UST: variants seen among roughly 807,000 people sequenced by gnomAD.
The protein encoded by UST is uronyl 2-sulfotransferase.
Under a neutral mutation model 45.6 loss-of-function variants are expected in UST, and 21 were observed. That is an observed-to-expected ratio of 0.46 (90% CI 0.33 to 0.66). The LOEUF is 0.66. UST is among the 30% of genes least tolerant of loss of function. UST has a pLI of 0.02. For synonymous variants in UST, 215 were observed against 200.6 expected (o/e 1.07, Z -0.61); for missense variants, 463 against 512.4 (o/e 0.90, Z 0.93).
At chr6:148,759,711 G>A (rs997628948) in intron 1 of UST, among the ~76,000 whole-genome samples, 1 of 151,232 alleles carries the variant, frequency 6.6e-6, no homozygotes, top group Non-Finnish European at 1.5e-5. Flanking sequence ...AGCCGGGCAT[G>A]GTGGTGGGCG....
At chr6:148,863,037 T>C (rs1327688966) in intron 1 of UST, among the ~76,000 whole-genome samples, 1 of 152,196 alleles carries the variant, frequency 6.6e-6, no homozygotes, top group Admixed American at 6.5e-5. Flanking sequence ...AATTTGAATG[T>C]TGGCCTGCCT....
chr6:148,827,784 G>A (rs1777602275), intron 1 of UST, among the ~76,000 whole-genome samples: 1 of 149,618 alleles, frequency 6.7e-6, no homozygotes, highest in African/African-American at 2.5e-5. Flanking sequence ...ATTGTACTCT[G>A]TATTCATTAA....
In UST at chr6:148,747,680, A is replaced by G. The variant is rs373916080; in HGVS notation, c.247+3A>G. On this transcript the variant is annotated splice_donor_region_variant and intron_variant, in intron 1 of 7. Coordinates refer to ENST00000367463, the MANE Select transcript of UST (RefSeq NM_005715.3). ...GCTCGACCTGCGGCAGTACTTGGGT[A>G]AGGAAGCTGGGCAGGCGCTAGGGCG... is the stretch of plus-strand genomic sequence containing the variant. 1.3e-6 allele frequency: 2 copies of G among 1,594,442 alleles called. No homozygotes were observed. Among genetic ancestry groups the G allele is most frequent in the Non-Finnish European group, 1.7e-6 (2 of 1,171,906 alleles).
intron 1 of UST, among the ~76,000 whole-genome samples, chr6:148,845,457 A>T (rs1467476554): frequency 6.6e-6 from 1 of 152,222 alleles, no homozygotes; most frequent in Admixed American, 6.5e-5. Flanking sequence ...TTTATTGCCA[A>T]GCAGTATTCC....
chr6:148,974,930 A>G (rs1049146204), intron 5 of UST, among the ~76,000 whole-genome samples: 2 of 152,244 alleles, frequency 1.3e-5, no homozygotes, highest in Non-Finnish European at 2.9e-5. Context: ...TCTGCAGAGC[A>G]TTATTCACTC....
intron 5 of UST, among the ~76,000 whole-genome samples, chr6:149,002,894 G>A (rs76865627): frequency 0.065 from 9,919 of 152,218 alleles, 401 homozygotes; most frequent in East Asian, 0.11. Flanking sequence ...TTCTATATAA[G>A]TATTAGCATA....
intron 1 of UST, among the ~76,000 whole-genome samples, chr6:148,827,083 A>G (rs1292071999): frequency 6.6e-6 from 1 of 152,224 alleles, no homozygotes; most frequent in African/African-American, 2.4e-5. Context: ...AAATAAGGGC[A>G]TTGTTGATAC....
intron 1 of UST, among the ~76,000 whole-genome samples, chr6:148,865,558 T>C (rs902255499): frequency 6.6e-6 from 1 of 152,142 alleles, no homozygotes; most frequent in African/African-American, 2.4e-5. Context: ...AGAAAACACC[T>C]GGTTGTTAGA....
Position 148,983,538 on chromosome 6 carries a change from G to A in UST, c.681+18975G>A, listed in dbSNP as rs551388139. Among the ~76,000 whole-genome samples, 3 of 152,340 alleles carry A rather than the reference G, an allele frequency of 2.0e-5. No individual in the cohort carries two copies. The South Asian group carries it at 6.2e-4, about 32-fold the overall frequency. ...GTTATCTCATCTCAGCCAGTCATTTGAGTTGTTACGGCTGGAGCAGGAGGG... is the reference window on the plus strand; with the variant it reads ...GTTATCTCATCTCAGCCAGTCATTTAAGTTGTTACGGCTGGAGCAGGAGGG... On this transcript the variant is annotated intron_variant, in intron 5 of 7. Coordinates refer to ENST00000367463, the MANE Select transcript of UST (RefSeq NM_005715.3).
chr6:148,754,842 A>G (rs1776064782), intron 1 of UST, among the ~76,000 whole-genome samples: 2 of 152,238 alleles, frequency 1.3e-5, no homozygotes, highest in African/African-American at 4.8e-5. Flanking sequence ...ACCTGGGTAT[A>G]TAGTAAAACC....
intron 1 of UST, among the ~76,000 whole-genome samples, chr6:148,770,757 G>A (rs774308738): frequency 1.3e-5 from 2 of 152,156 alleles, no homozygotes; most frequent in Non-Finnish European, 2.9e-5. Flanking sequence ...TGCAGACAAG[G>A]AGCCTGAATT....
At chr6:148,808,798 G>A (rs1777198771) in intron 1 of UST, among the ~76,000 whole-genome samples, 1 of 152,118 alleles carries the variant, frequency 6.6e-6, no homozygotes, top group Non-Finnish European at 1.5e-5. Context: ...CCCTCATGAT[G>A]GGATTAGTGC....
chr6:148,940,050 G>A (rs1562306666), intron 2 of UST, among the ~76,000 whole-genome samples: 1 of 152,146 alleles, frequency 6.6e-6, no homozygotes, highest in Non-Finnish European at 1.5e-5. Flanking sequence ...GATTTGAATA[G>A]ACATTTCTCC....
rs567990392 is a variant in UST at position 149,010,807 on chromosome 6, C to T, written c.682-8332C>T. Among the ~76,000 whole-genome samples the T allele has an allele frequency of 5.6e-5, 8 of 143,648 alleles. No individual in the cohort carries two copies. The South Asian group carries it at 9.2e-4, about 16-fold the overall frequency. The allele number at this position is 143,648 out of a possible 152,430, so 94.2% of individuals were successfully genotyped here. A position where few individuals can be genotyped will look rare whatever the true frequency, so the allele number is the denominator to read the frequency against. On this transcript the variant is annotated intron_variant, in intron 5 of 7. Transcript: ENST00000367463. Reference sequence around the variant, plus strand: ...ACTCAGGAGGCTGAGGCAGGAGAATCGCTTAATCTGGGAGGCAGAGGTTGC... The same window carrying T: ...ACTCAGGAGGCTGAGGCAGGAGAATTGCTTAATCTGGGAGGCAGAGGTTGC...
intron 1 of UST, among the ~76,000 whole-genome samples, chr6:148,865,943 ATC>A (rs1183588613): frequency 1.3e-5 from 2 of 152,146 alleles, no homozygotes; most frequent in African/African-American, 4.8e-5. Flanking sequence ...TTAGACAATT[ATC>A]TCTTACATGT....
At chr6:148,970,493 C>T (rs1780892865) in intron 5 of UST, among the ~76,000 whole-genome samples, 1 of 152,142 alleles carries the variant, frequency 6.6e-6, no homozygotes, top group Non-Finnish European at 1.5e-5. Context: ...TTGCATGAGG[C>T]TACCTTAGTT....
intron 1 of UST, among the ~76,000 whole-genome samples, chr6:148,792,940 A>T (rs1360137693): frequency 6.6e-6 from 1 of 152,234 alleles, no homozygotes; most frequent in Non-Finnish European, 1.5e-5. Flanking sequence ...CTAGCTACAG[A>T]CATGATTGTT....
rs367758609 is a variant in UST at position 149,021,494 on chromosome 6, G to T, written c.937+13G>T. 1.9e-6 allele frequency: 3 copies of T among 1,613,680 alleles called. No homozygotes were observed. Among genetic ancestry groups the T allele is most frequent in the Non-Finnish European group, 2.5e-6 (3 of 1,179,824 alleles). On this transcript the variant is annotated intron_variant, in intron 7 of 7. Transcript: ENST00000367463. ...TACAAAGACCCAGGTAACTTCATTT[G>T]TAAGCAAGCTCTTCTCCATGAGAGG...
chr6:148,959,958 T>A (rs529263451), intron 4 of UST, among the ~76,000 whole-genome samples: 6 of 152,050 alleles, frequency 3.9e-5, no homozygotes, highest in Non-Finnish European at 1.5e-5. Context: ...CTTCAGGGAC[T>A]CTTGTTACTG....
Sources: gnomAD v4.1 joint callset for allele counts (sites outside exome capture counted in the v4.1 genomes callset) on GRCh38, gnomAD v4.1.1 for gene constraint, MANE v1.5 for transcripts, NCBI Gene and HGNC (gene_info 2026-07-23, HGNC 2026-07-21) for gene names.